SSBP2: variants seen among roughly 807,000 people sequenced by gnomAD.
SSBP2 encodes single-stranded DNA-binding protein 2.
In SSBP2, 17 loss-of-function variants were observed where a neutral mutation model predicts 61.8. The ratio of observed to expected loss-of-function variants is 0.28; its 90% CI spans 0.19 to 0.41. The LOEUF is 0.41. Ranked by LOEUF, SSBP2 falls within the 10% of genes least tolerant of loss-of-function variation. The pLI, the probability that SSBP2 is intolerant of heterozygous loss-of-function variation, is 1.00. For synonymous variants in SSBP2, 139 were observed against 141.3 expected, an observed-to-expected ratio of 0.98 and a Z score of 0.12; for missense variants, 310 against 458.7, an observed-to-expected ratio of 0.68 and a Z score of 2.96.
intron 5 of SSBP2, 133 bp from the exon 6 acceptor site, chr5:81,489,442 G>A (rs2154052700): frequency 1.5e-6 from 1 of 678,734 alleles, no homozygotes; most frequent in East Asian, 3.3e-5. Context: ...GCTGCTTTCA[G>A]CATAATAAAT....
At chr5:81,687,805 T>C (rs532782157) in intron 1 of SSBP2, among the ~76,000 whole-genome samples, 8 of 152,274 alleles carry the variant, frequency 5.3e-5, no homozygotes, top group African/African-American at 1.9e-4. Context: ...CAGGATTCAT[T>C]ACCTTCTGAC....
At chr5:81,563,024 T>C (rs972122249) in intron 4 of SSBP2, among the ~76,000 whole-genome samples, 4 of 152,186 alleles carry the variant, frequency 2.6e-5, no homozygotes, top group Non-Finnish European at 1.5e-5. Flanking sequence ...CAGGGTTGTT[T>C]TGTAGAAATC....
At chr5:81,586,700 G>C (rs969641788) in intron 4 of SSBP2, among the ~76,000 whole-genome samples, 4 of 151,516 alleles carry the variant, frequency 2.6e-5, no homozygotes, top group Non-Finnish European at 5.9e-5. Flanking sequence ...ATGCAAGGCT[G>C]GTCTTTGGCT....
intron 1 of SSBP2, among the ~76,000 whole-genome samples, chr5:81,688,183 C>CCT (rs1401442834): frequency 1.3e-5 from 2 of 152,096 alleles, no homozygotes; most frequent in Non-Finnish European, 1.5e-5. Flanking sequence ...CAGGGAGATT[C>CCT]CTCTGCTCAA....
At chr5:81,678,199 G>C (rs1752129809) in intron 1 of SSBP2, among the ~76,000 whole-genome samples, 1 of 152,092 alleles carries the variant, frequency 6.6e-6, no homozygotes, top group Non-Finnish European at 1.5e-5. Flanking sequence ...AATGTAAGAA[G>C]AGAGATGGAA....
intron 4 of SSBP2, among the ~76,000 whole-genome samples, chr5:81,545,625 G>A (rs1190404628): frequency 6.6e-6 from 1 of 152,118 alleles, no homozygotes; most frequent in Non-Finnish European, 1.5e-5. Flanking sequence ...TTACATATTA[G>A]GTGTGATATA....
intron 8 of SSBP2, among the ~76,000 whole-genome samples, chr5:81,471,660 A>G (rs1765253857): frequency 6.6e-6 from 1 of 152,020 alleles, no homozygotes; most frequent in Admixed American, 6.6e-5. Flanking sequence ...AGAAATAGGT[A>G]AGAATAATTC....
At chr5:81,750,109 G>A (rs919900097) in intron 1 of SSBP2, among the ~76,000 whole-genome samples, 77 of 151,856 alleles carry the variant, frequency 5.1e-4, no homozygotes, top group African/African-American at 1.8e-3. Context: ...CGCGGAGTTG[G>A]GTCCGCTGCG....
chr5:81,601,758 T>A (rs1241541497), intron 4 of SSBP2, among the ~76,000 whole-genome samples: 5 of 152,164 alleles, frequency 3.3e-5, no homozygotes, highest in Admixed American at 2.6e-4. Flanking sequence ...CAGCATTAGT[T>A]CAAAGTCCAG....
At chr5:81,522,161 A>T (rs1769541279) in intron 4 of SSBP2, among the ~76,000 whole-genome samples, 1 of 152,090 alleles carries the variant, frequency 6.6e-6, no homozygotes, top group Non-Finnish European at 1.5e-5. Flanking sequence ...TATAATGCGT[A>T]AATTGCAGTA....
intron 4 of SSBP2, among the ~76,000 whole-genome samples, chr5:81,605,837 G>C (rs923836600): frequency 3.4e-4 from 52 of 152,190 alleles, no homozygotes; most frequent in Non-Finnish European, 6.0e-4. Flanking sequence ...AATGATGGGA[G>C]AGCTTTCAGA....
chr5:81,549,485 C>G (rs1315204556), intron 4 of SSBP2, among the ~76,000 whole-genome samples: 4 of 152,200 alleles, frequency 2.6e-5, no homozygotes, highest in African/African-American at 9.7e-5. Flanking sequence ...CGCACGTATC[C>G]TACACATAAC....
chr5:81,643,322 C>T lies in SSBP2; in HGVS notation c.136-6704G>A, dbSNP rs969542448. Reference sequence around the variant, plus strand: ...ATGGGTTCCAAACTTTTCATAGTACCCATAAATCCTTTCATAATTTTTAAT... The same window carrying T: ...ATGGGTTCCAAACTTTTCATAGTACTCATAAATCCTTTCATAATTTTTAAT... On this transcript the variant is annotated intron_variant, in intron 2 of 16. Coordinates refer to ENST00000320672, the MANE Select transcript of SSBP2 (RefSeq NM_012446.5). 2.0e-5 allele frequency among the ~76,000 whole-genome samples: 3 copies of T among 152,202 alleles called. No homozygotes were observed. In the South Asian group the frequency reaches 6.2e-4, roughly 32 times the overall value.
At chr5:81,515,897 T>C (rs1018253736) in intron 4 of SSBP2, among the ~76,000 whole-genome samples, 5 of 151,928 alleles carry the variant, frequency 3.3e-5, no homozygotes, top group African/African-American at 4.8e-5. Context: ...TTTAAATTTA[T>C]TTAATAAATT....
chr5:81,692,472 A>G (rs763791118), intron 1 of SSBP2, among the ~76,000 whole-genome samples: 2 of 152,206 alleles, frequency 1.3e-5, no homozygotes, highest in African/African-American at 2.4e-5. Flanking sequence ...ATATTAAAAT[A>G]CCAATGACAT....
intron 1 of SSBP2, among the ~76,000 whole-genome samples, chr5:81,722,791 T>A (rs1402262199): frequency 6.6e-6 from 1 of 152,006 alleles, no homozygotes; most frequent in Non-Finnish European, 1.5e-5. Context: ...CTCTTCCCTT[T>A]AAGTATGCAT....
At chr5:81,469,707 A>G (rs1288603276) in intron 8 of SSBP2, among the ~76,000 whole-genome samples, 1 of 152,014 alleles carries the variant, frequency 6.6e-6, no homozygotes, top group Non-Finnish European at 1.5e-5. Context: ...CAGGAAATGA[A>G]TAAGAAATTT....
chr5:81,602,212 C>T (rs772705355), intron 4 of SSBP2, among the ~76,000 whole-genome samples: 1 of 152,126 alleles, frequency 6.6e-6, no homozygotes, highest in Non-Finnish European at 1.5e-5. Flanking sequence ...GTTCAGGGAT[C>T]CAAGAGCCTC....
intron 1 of SSBP2, among the ~76,000 whole-genome samples, chr5:81,737,784 T>C (rs1387743619): frequency 2.9e-5 from 3 of 103,536 alleles, no homozygotes; most frequent in Non-Finnish European, 6.5e-5. Flanking sequence ...TGAGACTCCA[T>C]CTCAAAAAAA....
Sources: allele counts gnomAD v4.1 joint callset (sites outside exome capture counted in the v4.1 genomes callset), GRCh38; gene constraint gnomAD v4.1.1; transcripts MANE v1.5; gene names NCBI Gene and HGNC (gene_info 2026-07-23, HGNC 2026-07-21).